PRKCA: variants seen among roughly 807,000 people sequenced by gnomAD.
The protein encoded by PRKCA is protein kinase C alpha.
In PRKCA, 27 loss-of-function variants were observed where a neutral mutation model predicts 87.0. The observed-to-expected ratio is 0.31, with a 90% CI of 0.23 to 0.43. The LOEUF (loss-of-function observed/expected upper bound fraction) is 0.43, where lower values mean the gene tolerates loss of function less well. PRKCA is among the 20% of genes least tolerant of loss of function. The probability of loss-of-function intolerance (pLI) is 1.00; values close to 1 mark genes in which losing one functional copy is unlikely to be tolerated. For missense variants in PRKCA, 518 were observed against 852.3 expected (o/e 0.61, Z 4.88); for synonymous variants, 329 against 311.1 (o/e 1.06, Z -0.61).
chr17:66,797,909 C>T (rs767542209), intron 16 of PRKCA, among the ~76,000 whole-genome samples: 17 of 152,236 alleles, frequency 1.1e-4, no homozygotes, highest in Admixed American at 3.3e-4. Context: ...GGAGACAGTG[C>T]GCACCCAGCC....
intron 2 of PRKCA, among the ~76,000 whole-genome samples, chr17:66,477,976 A>T (rs1468690366): frequency 6.6e-6 from 1 of 152,170 alleles, no homozygotes; most frequent in African/African-American, 2.4e-5. Context: ...TAAACCAAAA[A>T]GTACCCGAAA....
chr17:66,566,480 GTTT>G (rs56912157), intron 3 of PRKCA, among the ~76,000 whole-genome samples: 10 of 97,020 alleles, frequency 1.0e-4, no homozygotes, highest in Non-Finnish European at 2.0e-4. Flanking sequence ...TTGTTTTTTG[GTTT>G]TTTTTTTTTT....
chr17:66,568,876 A>T (rs549604381), intron 3 of PRKCA, among the ~76,000 whole-genome samples: 1 of 152,276 alleles, frequency 6.6e-6, no homozygotes, highest in Admixed American at 6.5e-5. Context: ...AAAGACTGGA[A>T]ACGTAGGGTC....
intron 2 of PRKCA, among the ~76,000 whole-genome samples, chr17:66,428,563 G>A (rs981958429): frequency 1.3e-5 from 2 of 151,336 alleles, no homozygotes; most frequent in South Asian, 4.2e-4. Context: ...GAGTGCAGTG[G>A]CACAATCTTG....
At chr17:66,323,439 A>G (rs1407629488) in intron 2 of PRKCA, among the ~76,000 whole-genome samples, 1 of 152,240 alleles carries the variant, frequency 6.6e-6, no homozygotes, top group Non-Finnish European at 1.5e-5. Flanking sequence ...AGCAGTTAGT[A>G]TGATAAAATG....
chr17:66,587,897 A>G (rs77098559), intron 3 of PRKCA, among the ~76,000 whole-genome samples: 2,754 of 34,600 alleles, frequency 0.08, 388 homozygotes, highest in African/African-American at 0.3. Context: ...GTGTGTGTGT[A>G]TATATATATA....
chr17:66,436,804 A>G (rs2143853083), intron 2 of PRKCA, among the ~76,000 whole-genome samples: 1 of 152,348 alleles, frequency 6.6e-6, no homozygotes, highest in African/African-American at 2.4e-5. Context: ...ATTAGGAGGC[A>G]AATCGAGAGA....
intron 2 of PRKCA, among the ~76,000 whole-genome samples, chr17:66,459,981 A>G (rs1914772207): frequency 6.6e-6 from 1 of 152,152 alleles, no homozygotes; most frequent in African/African-American, 2.4e-5. Flanking sequence ...TCATTCATGA[A>G]AGCAGTTTTC....
chr17:66,762,039 A>T (rs1974697642), intron 13 of PRKCA, among the ~76,000 whole-genome samples: 1 of 152,200 alleles, frequency 6.6e-6, no homozygotes, highest in African/African-American at 2.4e-5. Flanking sequence ...GGAGATTTTT[A>T]AAAATCTGTT....
At position 66,643,036 on chromosome 17, in the gene PRKCA, G is replaced by A. The variant is rs1300823815; in HGVS notation, c.400+1570G>A. On this transcript the variant is annotated intron_variant, in intron 4 of 16. Coordinates refer to ENST00000413366, the MANE Select transcript of PRKCA (RefSeq NM_002737.3). ...GCCTGGGCAAACAAGAGTGAAACTC[G>A]GTCTCAAAAAACTAGAAAAATAAAA... is the stretch of plus-strand genomic sequence containing the variant. 3.3e-5 allele frequency among the ~76,000 whole-genome samples: 5 copies of A among 152,014 alleles called. No individual in the cohort carries two copies. In the South Asian group the frequency reaches 6.2e-4, roughly 19 times the overall value.
At chr17:66,746,530 G>A (rs1353487940) in intron 13 of PRKCA, among the ~76,000 whole-genome samples, 3 of 152,190 alleles carry the variant, frequency 2.0e-5, no homozygotes, top group Admixed American at 6.5e-5. Context: ...CTCCTGTCAG[G>A]CAGAGACAAA....
chr17:66,786,849 T>A lies in PRKCA; in HGVS notation c.1606-18T>A. The A allele has an allele frequency of 1.2e-6, 2 of 1,601,576 alleles. No individual in the cohort carries two copies. Among genetic ancestry groups the A allele is most frequent in the Non-Finnish European group, 1.7e-6 (2 of 1,168,808 alleles). On this transcript the variant is annotated intron_variant, in intron 14 of 16. Transcript: ENST00000413366. ...CTCTGCCTAAATACTTTCCCATCTTTCTTTTTTTCCGGAACAGCCTCCATT... is the reference window on the plus strand; with the variant it reads ...CTCTGCCTAAATACTTTCCCATCTTACTTTTTTTCCGGAACAGCCTCCATT...
intron 2 of PRKCA, among the ~76,000 whole-genome samples, chr17:66,334,165 G>A (rs566575782): frequency 3.9e-5 from 6 of 152,236 alleles, no homozygotes; most frequent in Non-Finnish European, 5.9e-5. Context: ...CAGGAGAATC[G>A]CTTGAACCCG....
chr17:66,408,421 A>T (rs377182949), intron 2 of PRKCA, among the ~76,000 whole-genome samples: 7 of 152,322 alleles, frequency 4.6e-5, no homozygotes, highest in African/African-American at 1.7e-4. Flanking sequence ...TTGAGCTTTG[A>T]AAACTAGTTT....
chr17:66,515,148 C>T (rs754236247), intron 3 of PRKCA, among the ~76,000 whole-genome samples: 2 of 151,520 alleles, frequency 1.3e-5, no homozygotes, highest in African/African-American at 2.4e-5. Context: ...CCCAGCTACT[C>T]GGGAGGCTGA....
chr17:66,508,801 C>G (rs1308948150), intron 3 of PRKCA, among the ~76,000 whole-genome samples: 1 of 152,186 alleles, frequency 6.6e-6, no homozygotes, highest in Non-Finnish European at 1.5e-5. Context: ...ACTGTTTCTC[C>G]TCTATGAACT....
chr17:66,730,211 G>T (rs987254002), intron 8 of PRKCA, among the ~76,000 whole-genome samples: 1 of 152,204 alleles, frequency 6.6e-6, no homozygotes, highest in Non-Finnish European at 1.5e-5. Flanking sequence ...CCTGTGCCAA[G>T]CACTGTTAGA....
chr17:66,448,445 C>T (rs1021626418), intron 2 of PRKCA, among the ~76,000 whole-genome samples: 2 of 152,056 alleles, frequency 1.3e-5, no homozygotes, highest in Admixed American at 6.6e-5. Flanking sequence ...CTATTAGGCT[C>T]GATGCCATTA....
intron 13 of PRKCA, 70 bp downstream of exon 13, chr17:66,742,830 T>C: frequency 6.5e-7 from 1 of 1,544,936 alleles, no homozygotes; most frequent in Non-Finnish European, 8.8e-7. Flanking sequence ...TCATGGGTTA[T>C]AGGGTCACTG....
Sources: allele counts gnomAD v4.1 joint callset (sites outside exome capture counted in the v4.1 genomes callset), GRCh38; gene constraint gnomAD v4.1.1; transcripts MANE v1.5; gene names NCBI Gene and HGNC (gene_info 2026-07-23, HGNC 2026-07-21).